Variants in PPFIA2 observed in about 807,000 individuals in gnomAD.
PPFIA2 encodes the protein liprin-alpha-2.
PPFIA2 carries 46 observed loss-of-function variants against 175.5 expected under a neutral mutation model. That is an observed-to-expected ratio of 0.26 (90% CI 0.21 to 0.34). The LOEUF (loss-of-function observed/expected upper bound fraction) is 0.34. PPFIA2 is among the 10% of genes least tolerant of loss of function. The pLI, the probability that PPFIA2 is intolerant of heterozygous loss-of-function variation, is 1.00. For synonymous variants in PPFIA2, 568 were observed against 511.4 expected (o/e 1.11, Z -1.49); for missense variants, 1,179 against 1,506.1 (o/e 0.78, Z 3.60).
At chr12:81,493,038 A>G (rs1469516233) in intron 4 of PPFIA2, among the ~76,000 whole-genome samples, 2 of 152,070 alleles carry the variant, frequency 1.3e-5, no homozygotes, top group Non-Finnish European at 2.9e-5. Flanking sequence ...ATGGAAGATG[A>G]CTCAGAGTTT....
chr12:81,418,034 G>A (rs1355837879), intron 7 of PPFIA2, among the ~76,000 whole-genome samples: 3 of 151,736 alleles, frequency 2.0e-5, no homozygotes, highest in South Asian at 2.1e-4. Context: ...ACAGTTTTAC[G>A]TTGTTTGAAT....
chr12:81,351,839 T>C (rs1595374735), intron 17 of PPFIA2, among the ~76,000 whole-genome samples: 1 of 151,868 alleles, frequency 6.6e-6, no homozygotes, highest in South Asian at 2.1e-4. Context: ...TGGGAGGTTG[T>C]GGGCTGCAGT....
chr12:81,526,600 T>C (rs2063757667), intron 4 of PPFIA2, among the ~76,000 whole-genome samples: 1 of 152,226 alleles, frequency 6.6e-6, no homozygotes, highest in Non-Finnish European at 1.5e-5. Flanking sequence ...AGCAAACATT[T>C]GGTCATTCAA....
intron 28 of PPFIA2, among the ~76,000 whole-genome samples, chr12:81,268,858 A>G (rs77750344): frequency 6.6e-6 from 1 of 152,072 alleles, no homozygotes; most frequent in African/African-American, 2.4e-5. Flanking sequence ...AGACTAGAAG[A>G]TTTTTTTTCA....
chr12:81,263,865 A>C (rs943026048), intron 30 of PPFIA2, among the ~76,000 whole-genome samples: 1 of 152,212 alleles, frequency 6.6e-6, no homozygotes, highest in Non-Finnish European at 1.5e-5. Context: ...TTGAGATGGC[A>C]TGGCTAATAT....
intron 3 of PPFIA2, among the ~76,000 whole-genome samples, chr12:81,733,407 C>A (rs117896440): frequency 0.037 from 5,601 of 151,516 alleles, 145 homozygotes; most frequent in South Asian, 0.081. Context: ...ACCATTGAGC[C>A]TATAGTTAAT....
intron 4 of PPFIA2, among the ~76,000 whole-genome samples, chr12:81,588,130 A>G (rs1366265976): frequency 6.6e-6 from 1 of 151,984 alleles, no homozygotes; most frequent in Non-Finnish European, 1.5e-5. Flanking sequence ...AAGTATAAGA[A>G]CAGGAGAATT....
intron 4 of PPFIA2, among the ~76,000 whole-genome samples, chr12:81,549,420 G>A (rs77749790): frequency 1.6e-3 from 242 of 152,048 alleles, no homozygotes; most frequent in African/African-American, 5.7e-3. Context: ...AGAACTTTTG[G>A]TTTCTCTAAA....
At chr12:81,363,684 T>C (rs1462768694) in intron 14 of PPFIA2, among the ~76,000 whole-genome samples, 1 of 151,796 alleles carries the variant, frequency 6.6e-6, no homozygotes, top group Non-Finnish European at 1.5e-5. Context: ...CTCTTTTCTG[T>C]TCTTTTTATT....
intron 4 of PPFIA2, among the ~76,000 whole-genome samples, chr12:81,461,485 G>C (rs1292130754): frequency 6.6e-6 from 1 of 152,056 alleles, no homozygotes. Flanking sequence ...CCCTGTGCTA[G>C]ATGCTGAAGA....
At chr12:81,443,626 T>A (rs1424015973) in intron 6 of PPFIA2, among the ~76,000 whole-genome samples, 1 of 152,088 alleles carries the variant, frequency 6.6e-6, no homozygotes, top group Non-Finnish European at 1.5e-5. Flanking sequence ...TGTAAAAGCA[T>A]CCCTCAAGTG....
At chr12:81,707,428 C>T (rs1156524512) in intron 3 of PPFIA2, among the ~76,000 whole-genome samples, 5 of 152,172 alleles carry the variant, frequency 3.3e-5, no homozygotes, top group South Asian at 4.1e-4. Flanking sequence ...AAAATGCTCA[C>T]CATCACTGGC....
intron 3 of PPFIA2, among the ~76,000 whole-genome samples, chr12:81,717,096 C>T (rs1014644681): frequency 6.6e-6 from 1 of 151,498 alleles, no homozygotes; most frequent in African/African-American, 2.4e-5. Context: ...CTGTAGTGGG[C>T]CAGATAGCAA....
intron 4 of PPFIA2, among the ~76,000 whole-genome samples, chr12:81,590,875 G>A (rs149368452): frequency 1.8e-4 from 27 of 152,170 alleles, no homozygotes; most frequent in African/African-American, 5.5e-4. Flanking sequence ...GTGTGAAAAC[G>A]GACTAATACA....
At chr12:81,262,156 T>G (rs2035799862) in intron 31 of PPFIA2, 116 bp from the exon 32 acceptor site, 1 of 711,408 alleles carries the variant, frequency 1.4e-6, no homozygotes, top group Non-Finnish European at 2.4e-6. Context: ...TAGACCTTCT[T>G]TCTCTCAGAT....
intron 4 of PPFIA2, among the ~76,000 whole-genome samples, chr12:81,486,182 A>G (rs942516950): frequency 6.6e-6 from 1 of 151,888 alleles, no homozygotes; most frequent in Non-Finnish European, 1.5e-5. Flanking sequence ...AACAATAACC[A>G]TATGGTGTTG....
chr12:81,722,587 C>T (rs1042584845), intron 3 of PPFIA2, among the ~76,000 whole-genome samples: 1 of 150,970 alleles, frequency 6.6e-6, no homozygotes, highest in Admixed American at 6.6e-5. Flanking sequence ...GATAGGAACA[C>T]TATCTCAATT....
intron 12 of PPFIA2, 59 bp from the exon 13 acceptor site, chr12:81,368,915 T>C: frequency 1.3e-6 from 2 of 1,526,204 alleles, no homozygotes; most frequent in Admixed American, 2.1e-5. Flanking sequence ...ATTATTTTTA[T>C]AGTGTTGCTA....
intron 4 of PPFIA2, among the ~76,000 whole-genome samples, chr12:81,569,314 G>A (rs1175299226): frequency 6.6e-6 from 1 of 152,030 alleles, no homozygotes; most frequent in African/African-American, 2.4e-5. Flanking sequence ...ACAAATGAGA[G>A]ATAAAATTGC....
Sources: gnomAD v4.1 joint callset for allele counts (sites outside exome capture counted in the v4.1 genomes callset) on GRCh38, gnomAD v4.1.1 for gene constraint, MANE v1.5 for transcripts, NCBI Gene and HGNC (gene_info 2026-07-23, HGNC 2026-07-21) for gene names.